The following ZNF268 variants were observed in gnomAD, a reference collection of about 807,000 sequenced individuals.
ZNF268 encodes the protein zinc finger protein 3.
Under a neutral mutation model 29.3 loss-of-function variants are expected in ZNF268, and 20 were observed. That is an observed-to-expected ratio of 0.68 (90% CI 0.48 to 0.99). ZNF268 has a LOEUF of 0.99. Ranked by LOEUF, ZNF268 falls within the 50% of genes least tolerant of loss-of-function variation. The pLI is 0.00. For synonymous variants in ZNF268, 429 were observed against 376.9 expected, an observed-to-expected ratio of 1.14 and a Z score of -1.60; for missense variants, 1,240 against 1,121.6, an observed-to-expected ratio of 1.11 and a Z score of -1.51.
Position 133,202,285 on chromosome 12 carries a change from C to CG in ZNF268, c.599_600insG (p.His201SerfsTer2). 6.2e-7 allele frequency: 1 copy of CG among 1,612,602 alleles called. No homozygotes were observed. Among genetic ancestry groups the CG allele is most frequent in the Non-Finnish European group, 8.5e-7 (1 of 1,179,254 alleles). On this transcript the variant is annotated frameshift_variant, in exon 6 of 6. Transcript: ENST00000536435. LOFTEE classifies it low-confidence loss of function (END_TRUNC). The stretch of plus-strand genomic sequence containing the variant: ...ACAAAGTATCTTTCAAGACAAAAAC[C>CG]TCATAAATGTGGCACGCATGGAAAG...
chr12:133,197,852 G>T (rs1443693072), intron 5 of ZNF268, among the ~76,000 whole-genome samples: 1 of 152,040 alleles, frequency 6.6e-6, no homozygotes, highest in Non-Finnish European at 1.5e-5. Context: ...AGAAGTGTCT[G>T]TTCATATCCT....
rs1316176449 is a variant in ZNF268, at chr12:133,203,641, A to C, written c.1955A>C (p.Lys652Thr). 1 of 1,559,254 alleles carries C rather than the reference A, an allele frequency of 6.4e-7. No homozygotes were observed. Among genetic ancestry groups the C allele is most frequent in the African/African-American group, 1.4e-5 (1 of 73,486 alleles). Reference sequence around the variant, plus strand: ...GAATGTGGAAAAGCCTTTACGTTCAAATCACAGCTCATTGTACATAAAGGA... The same window carrying C: ...GAATGTGGAAAAGCCTTTACGTTCACATCACAGCTCATTGTACATAAAGGA... ...CNECGKAFTF[K>T]SQLIVHKGVH... Residue 652 changes from lysine (K) to threonine (T), a missense_variant, in exon 6 of 6, where the codon AAA (lysine) becomes ACA (threonine). This residue lies in a region of ZNF268 where 1,177 missense variants were observed against 1,039.6 expected (regional missense o/e 1.13). Transcript: ENST00000536435.
Position 133,204,486 on chromosome 12 carries a change from C to T in ZNF268, c.2800C>T (p.Gln934Ter). ...ECGKAFCWKS[Q>*]LIMHQRTHVD... ...TGGGAAAGCCTTTTGTTGGAAGTCA[C>T]AGCTCATTATGCATCAGAGAACTCA... is the stretch of plus-strand genomic sequence containing the variant. Residue 934 changes from glutamine (Q) to a stop codon, truncating the protein, a stop_gained, in exon 6 of 6, where the codon CAG (glutamine) becomes TAG (stop). Coordinates refer to ENST00000536435, the MANE Select transcript of ZNF268 (RefSeq NM_003415.3). LOFTEE classifies it high-confidence loss of function. 6.5e-7 allele frequency: 1 copy of T among 1,541,448 alleles called. No individual in the cohort carries two copies. Among genetic ancestry groups the T allele is most frequent in the Non-Finnish European group, 8.7e-7 (1 of 1,149,306 alleles).
At position 133,209,904 on chromosome 12, in the gene ZNF268, T is replaced by C. The variant is rs1405501133; in HGVS notation, c.*5374T>C. 1 of 152,240 alleles carries C rather than the reference T, an allele frequency of 6.6e-6. No individual in the cohort carries two copies. Among genetic ancestry groups the C allele is most frequent in the African/African-American group, 2.4e-5 (1 of 41,448 alleles). The allele number at this position is 152,240 out of a possible 1,614,324, so 9.4% of individuals were successfully genotyped here. A position where few individuals can be genotyped will look rare whatever the true frequency, so the allele number is the denominator to read the frequency against. ...CCCACAGGTGCTGTTCATCCCCAAC[T>C]TTGACCTGGACTGTTGCAGTGTTTT... On this transcript the variant is annotated 3_prime_UTR_variant, in exon 6 of 6. Transcript: ENST00000536435.
intron 2 of ZNF268, among the ~76,000 whole-genome samples, chr12:133,187,133 C>T (rs1276006817): frequency 2.0e-5 from 3 of 152,140 alleles, no homozygotes; most frequent in Non-Finnish European, 4.4e-5. Flanking sequence ...ACAGCCTTTT[C>T]ATGGCATTTC....
chr12:133,204,670 G>A lies in ZNF268; in HGVS notation c.*140G>A. On this transcript the variant is annotated 3_prime_UTR_variant, in exon 6 of 6. Transcript: ENST00000536435. ...GAAACTTTATGAATGCACAGCATAT[G>A]GAAAGGCATCCACAGAAAGCTGTTC... is the stretch of plus-strand genomic sequence containing the variant. The A allele has an allele frequency of 1.6e-6, 1 of 620,270 alleles. No homozygotes were observed. Among genetic ancestry groups the A allele is most frequent in the Non-Finnish European group, 2.6e-6 (1 of 380,426 alleles). The allele number at this position is 620,270 out of a possible 1,614,324, so 38.4% of individuals were successfully genotyped here.
Position 133,207,834 on chromosome 12 carries a change from AT to A in ZNF268, c.*3307del, listed in dbSNP as rs1956926834. On this transcript the variant is annotated 3_prime_UTR_variant, in exon 6 of 6. Coordinates refer to ENST00000536435, the MANE Select transcript of ZNF268 (RefSeq NM_003415.3). ...AAAAACAGAAGAGTATGTTTGGAAG[AT>A]TTAATATTAGAAAATATTTTAATTA... 1 of 152,180 alleles carries A rather than the reference AT, an allele frequency of 6.6e-6. No individual in the cohort carries two copies. Among genetic ancestry groups the A allele is most frequent in the South Asian group, 2.1e-4 (1 of 4,836 alleles). The allele number at this position is 152,180 out of a possible 1,614,324, so 9.4% of individuals were successfully genotyped here.
rs1956982096 is a variant in ZNF268 at position 133,211,567 on chromosome 12, CAA to C, written c.*7038_*7039del. 1 of 145,594 alleles carries C rather than the reference CAA, an allele frequency of 6.9e-6. No homozygotes were observed. The highest frequency in any genetic ancestry group is 2.6e-5 in the African/African-American group (1 of 38,574). 9.0% of individuals were successfully genotyped at this position (145,594 alleles called of 1,614,324 possible). On this transcript the variant is annotated 3_prime_UTR_variant, in exon 6 of 6. Transcript: ENST00000536435. ...CGCCATTGCACTCCAGCCTGGGCAA[CAA>C]GAGTGAAACTCCGTCTCAAAAAAAA...
intron 5 of ZNF268, among the ~76,000 whole-genome samples, chr12:133,200,169 C>T (rs1732371937): frequency 6.6e-6 from 1 of 152,116 alleles, no homozygotes; most frequent in South Asian, 2.1e-4. Context: ...GCATTTAGTG[C>T]TATAAATTTC....
chr12:133,204,669 T>C lies in ZNF268; in HGVS notation c.*139T>C. On this transcript the variant is annotated 3_prime_UTR_variant, in exon 6 of 6. Transcript: ENST00000536435. ...AGAAACTTTATGAATGCACAGCATA[T>C]GGAAAGGCATCCACAGAAAGCTGTT... The C allele has an allele frequency of 3.2e-6, 2 of 620,938 alleles. No homozygotes were observed. Among genetic ancestry groups the C allele is most frequent in the Middle Eastern group, 4.4e-4 (1 of 2,274 alleles). 38.5% of individuals were successfully genotyped at this position (620,938 alleles called of 1,614,324 possible). A position where few individuals can be genotyped will look rare whatever the true frequency, so the allele number is the denominator to read the frequency against.
rs141566328 is a variant in ZNF268 at position 133,211,457 on chromosome 12, T to C, written c.*6927T>C. ...TTAGCCAGGCGTGGTGGCGCTACTC[T>C]GCCACCAAGTGGTAGCTACTCCGGA... On this transcript the variant is annotated 3_prime_UTR_variant, in exon 6 of 6. Coordinates refer to ENST00000536435, the MANE Select transcript of ZNF268 (RefSeq NM_003415.3). 131,254 of 173,596 alleles carry C rather than the reference T, an allele frequency of 0.76. 50,408 individuals are homozygous for C. The highest frequency in any genetic ancestry group is 0.92 in the East Asian group (5,862 of 6,392). The allele number at this position is 173,596 out of a possible 1,614,324, so 10.8% of individuals were successfully genotyped here.
chr12:133,197,184 C>T (rs927520751), intron 5 of ZNF268, among the ~76,000 whole-genome samples: 4 of 105,438 alleles, frequency 3.8e-5, no homozygotes, highest in African/African-American at 1.1e-4. Flanking sequence ...CTATCCCTCC[C>T]CCCTCCCCCC....
chr12:133,204,427 A>C lies in ZNF268; in HGVS notation c.2741A>C (p.His914Pro). 6.4e-7 allele frequency: 1 copy of C among 1,566,840 alleles called. No individual in the cohort carries two copies. Among genetic ancestry groups the C allele is most frequent in the Non-Finnish European group, 8.6e-7 (1 of 1,161,438 alleles). ...KSILSAHQRTHTGEKPCKCTE... is the reference protein window; with the variant it reads ...KSILSAHQRTPTGEKPCKCTE... The stretch of plus-strand genomic sequence containing the variant: ...ATTCTCAGTGCACATCAGAGAACAC[A>C]TACAGGAGAGAAGCCTTGTAAGTGC... The change falls in exon 6 of 6, where the codon CAT (histidine) becomes CCT (proline). Residue 914 changes from histidine to proline, a missense_variant. Transcript: ENST00000536435.
intron 3 of ZNF268, 57 bp from the exon 4 acceptor site, chr12:133,191,432 A>G: frequency 6.2e-7 from 1 of 1,608,906 alleles, no homozygotes; most frequent in East Asian, 2.2e-5. Context: ...CTAAACAGCT[A>G]GTTTTCCACA....
chr12:133,184,356 C>T (rs760215154), intron 2 of ZNF268, among the ~76,000 whole-genome samples: 8 of 152,076 alleles, frequency 5.3e-5, no homozygotes, highest in Non-Finnish European at 1.0e-4. Flanking sequence ...CCACCTGTCT[C>T]AGCCTCCCAA....
chr12:133,201,391 C>A (rs533550886), intron 5 of ZNF268, among the ~76,000 whole-genome samples: 126 of 152,098 alleles, frequency 8.3e-4, no homozygotes, highest in Non-Finnish European at 1.4e-3. Context: ...TTTCTTGGAG[C>A]AACTCAAGAG....
rs139226267 is a variant in ZNF268 at position 133,196,416 on chromosome 12, A to G, written c.457+4413A>G. On this transcript the variant is annotated intron_variant, in intron 5 of 5. Transcript: ENST00000536435. Reference sequence around the variant, plus strand: ...TGAACTCTACCTTGAGGTGTCAAGTATAATCCTGTTTTTGCCATTATTGTT... The same window carrying G: ...TGAACTCTACCTTGAGGTGTCAAGTGTAATCCTGTTTTTGCCATTATTGTT... Among the ~76,000 whole-genome samples, 35 of 152,008 alleles carry G rather than the reference A, an allele frequency of 2.3e-4. 1 individual carries two copies. Among genetic ancestry groups the G allele is most frequent in the African/African-American group, 7.7e-4 (32 of 41,492 alleles).
chr12:133,181,903 G>T (rs960941367), intron 1 of ZNF268, 43 bp from the exon 2 acceptor site: 17 of 1,396,096 alleles, frequency 1.2e-5, no homozygotes, highest in Non-Finnish European at 1.7e-5. Flanking sequence ...TGGGTTTGGG[G>T]ACTGCTGGGT....
chr12:133,207,531 AGGC>A lies in ZNF268; in HGVS notation c.*3002_*3004del, dbSNP rs1956922134. ...CACTTAAAAAGAGATATATGGGGCC[AGGC>A]ACGGTGGCTCACACCTATAATCCCA... On this transcript the variant is annotated 3_prime_UTR_variant, in exon 6 of 6. Transcript: ENST00000536435. 6.6e-6 allele frequency: 1 copy of A among 152,218 alleles called. No individual in the cohort carries two copies. Among genetic ancestry groups the A allele is most frequent in the African/African-American group, 2.4e-5 (1 of 41,464 alleles). 9.4% of individuals were successfully genotyped at this position (152,218 alleles called of 1,614,324 possible).
Sources: allele counts gnomAD v4.1 joint callset (sites outside exome capture counted in the v4.1 genomes callset), GRCh38; gene constraint gnomAD v4.1.1; regional missense constraint gnomAD v4.1.1; transcripts MANE v1.5; gene names NCBI Gene and HGNC (gene_info 2026-07-23, HGNC 2026-07-21).